CNTN1: variants seen among roughly 807,000 people sequenced by gnomAD.
The protein encoded by CNTN1 is contactin 1.
CNTN1 carries 38 observed loss-of-function variants against 126.4 expected under a neutral mutation model. The observed-to-expected ratio is 0.30, with a 90% CI of 0.23 to 0.39. CNTN1 has a LOEUF of 0.39. Among genes scored for constraint, CNTN1 ranks in the 10% least tolerant of loss-of-function variants. The probability of loss-of-function intolerance (pLI) is 1.00; values close to 1 mark genes in which losing one functional copy is unlikely to be tolerated. For synonymous variants in CNTN1, 413 were observed against 422.6 expected (o/e 0.98, Z 0.28); for missense variants, 1,009 against 1,248.4 (o/e 0.81, Z 2.89).
chr12:40,912,203 T>C (rs1945063926), intron 3 of CNTN1, among the ~76,000 whole-genome samples: 1 of 137,778 alleles, frequency 7.3e-6, no homozygotes, highest in Non-Finnish European at 1.6e-5. Context: ...TCAATGTCTT[T>C]AAGAATATTT....
intron 1 of CNTN1, among the ~76,000 whole-genome samples, chr12:40,776,868 A>C (rs1480980070): frequency 2.6e-5 from 4 of 151,710 alleles, no homozygotes; most frequent in Non-Finnish European, 5.9e-5. Context: ...TTTTGGCTTC[A>C]GTGACCTATT....
At chr12:40,775,945 A>T (rs7314908) in intron 1 of CNTN1, among the ~76,000 whole-genome samples, 137,488 of 151,568 alleles carry the variant, frequency 0.91, 62,476 homozygotes, top group South Asian at 0.96. Context: ...AGTCAATTAC[A>T]GATATAGATA....
chr12:40,712,622 T>C (rs1374296968), intron 1 of CNTN1, among the ~76,000 whole-genome samples: 1 of 152,054 alleles, frequency 6.6e-6, no homozygotes, highest in Non-Finnish European at 1.5e-5. Flanking sequence ...ACTGGCCCAG[T>C]CAAACTGTGG....
rs35534983 is a variant in CNTN1 at position 40,934,429 on chromosome 12, C to CTT, written c.985+565_985+566dup. Among the ~76,000 whole-genome samples the CTT allele has an allele frequency of 8.2e-3, 1,131 of 138,500 alleles. 14 individuals are homozygous for CTT. The highest frequency in any genetic ancestry group is 0.027 in the African/African-American group (1,045 of 38,080). The allele number at this position is 138,500 out of a possible 152,430, so 90.9% of individuals were successfully genotyped here. A position where few individuals can be genotyped will look rare whatever the true frequency, so the allele number is the denominator to read the frequency against. ...TTTGAGAACCACTGGTTTAAGAAAT[C>CTT]TTTTTTTTTTTTTTTGACAAAATTA... On this transcript the variant is annotated intron_variant, in intron 9 of 23. Transcript: ENST00000551295.
At chr12:40,983,347 T>C (rs1440475847) in intron 16 of CNTN1, among the ~76,000 whole-genome samples, 1 of 152,066 alleles carries the variant, frequency 6.6e-6, no homozygotes, top group African/African-American at 2.4e-5. Flanking sequence ...TGTAGCTGCA[T>C]TGTATTTTTG....
intron 6 of CNTN1, among the ~76,000 whole-genome samples, chr12:40,925,666 T>C (rs1476907691): frequency 6.8e-6 from 1 of 146,456 alleles, no homozygotes; most frequent in Admixed American, 6.9e-5. Context: ...GTTGTTTACA[T>C]ATCAAATATT....
At chr12:40,925,591 G>GTA (rs148857277) in intron 6 of CNTN1, among the ~76,000 whole-genome samples, 81 of 135,916 alleles carry the variant, frequency 6.0e-4, no homozygotes, top group South Asian at 5.1e-3. Context: ...ATATATACAT[G>GTA]TATATATATA....
At chr12:40,698,500 T>C (rs1051026240) in intron 1 of CNTN1, among the ~76,000 whole-genome samples, 2 of 152,050 alleles carry the variant, frequency 1.3e-5, no homozygotes, top group Non-Finnish European at 2.9e-5. Flanking sequence ...CCTCCCAAAG[T>C]GCTGAGATTA....
At chr12:40,729,507 C>T (rs375487675) in intron 1 of CNTN1, 13 of 212,294 alleles carry the variant, frequency 6.1e-5, no homozygotes, top group Admixed American at 4.1e-4. Flanking sequence ...GTTCAGACCA[C>T]GTATGAGTGC....
intron 1 of CNTN1, among the ~76,000 whole-genome samples, chr12:40,786,389 T>C (rs1940019877): frequency 6.6e-6 from 1 of 152,186 alleles, no homozygotes. Context: ...TTTCTGGTGA[T>C]ATGAAATTCT....
intron 22 of CNTN1, among the ~76,000 whole-genome samples, chr12:41,028,738 A>G (rs1949084460): frequency 6.6e-6 from 1 of 152,178 alleles, no homozygotes; most frequent in Admixed American, 6.5e-5. Context: ...CCATTTCAAT[A>G]TATTTTAAAA....
At chr12:40,888,415 G>T (rs553182072) in intron 1 of CNTN1, among the ~76,000 whole-genome samples, 30 of 151,966 alleles carry the variant, frequency 2.0e-4, no homozygotes, top group Admixed American at 3.9e-4. Flanking sequence ...AAAATAAAAA[G>T]ACTTTAGGTA....
chr12:40,934,530 A>G (rs1670381423), intron 9 of CNTN1, among the ~76,000 whole-genome samples: 1 of 151,446 alleles, frequency 6.6e-6, no homozygotes, highest in African/African-American at 2.4e-5. Context: ...TTCAGGCCAC[A>G]CTGGAAACTT....
chr12:40,732,579 G>A (rs1942527387), intron 1 of CNTN1, among the ~76,000 whole-genome samples: 1 of 151,878 alleles, frequency 6.6e-6, no homozygotes, highest in Admixed American at 6.6e-5. Flanking sequence ...TGCATAGAGG[G>A]GAATGAGAAA....
intron 1 of CNTN1, among the ~76,000 whole-genome samples, chr12:40,759,675 C>T (rs1228954967): frequency 2.6e-5 from 4 of 151,836 alleles, no homozygotes; most frequent in African/African-American, 7.3e-5. Flanking sequence ...TGCTGTGTTG[C>T]CCAGGCTGGT....
intron 1 of CNTN1, chr12:40,763,014 T>C: frequency 6.6e-6 from 1 of 152,180 alleles, no homozygotes; most frequent in Non-Finnish European, 1.5e-5. Flanking sequence ...AACGATTGAA[T>C]TCTCACTCTG....
intron 16 of CNTN1, among the ~76,000 whole-genome samples, chr12:40,983,287 T>A (rs370172673): frequency 1.1e-4 from 16 of 152,146 alleles, no homozygotes; most frequent in Non-Finnish European, 2.1e-4. Context: ...CTCTGCCTTT[T>A]GATTGAATTA....
At chr12:41,044,309 A>T (rs1385331376) in intron 23 of CNTN1, among the ~76,000 whole-genome samples, 1 of 152,044 alleles carries the variant, frequency 6.6e-6, no homozygotes, top group Non-Finnish European at 1.5e-5. Context: ...ACAATTTATG[A>T]TGCTGGGTAA....
intron 1 of CNTN1, among the ~76,000 whole-genome samples, chr12:40,797,806 G>T (rs1326054946): frequency 3.3e-5 from 5 of 151,988 alleles, no homozygotes; most frequent in Non-Finnish European, 7.4e-5. Flanking sequence ...AAAACAAGGT[G>T]CTAGTGTCCA....
Sources: allele counts gnomAD v4.1 joint callset (sites outside exome capture counted in the v4.1 genomes callset), GRCh38; gene constraint gnomAD v4.1.1; transcripts MANE v1.5; gene names NCBI Gene and HGNC (gene_info 2026-07-23, HGNC 2026-07-21).